SNTA1: variants seen among roughly 807,000 people sequenced by gnomAD.
SNTA1 encodes the protein alpha-1-syntrophin.
In SNTA1, 31 loss-of-function variants were observed where a neutral mutation model predicts 47.1. The observed-to-expected ratio is 0.66, with a 90% CI of 0.49 to 0.89. The LOEUF (loss-of-function observed/expected upper bound fraction) is 0.89. SNTA1 is among the 40% of genes least tolerant of loss of function. The pLI, the probability that SNTA1 is intolerant of heterozygous loss-of-function variation, is 0.00. For missense variants in SNTA1, 575 were observed against 693.0 expected, an observed-to-expected ratio of 0.83 and a Z score of 1.91; for synonymous variants, 300 against 313.6, an observed-to-expected ratio of 0.96 and a Z score of 0.46.
At position 33,408,541 on chromosome 20, in the gene SNTA1, G is replaced by A. The variant is rs144006909; in HGVS notation, c.1484C>T (p.Ser495Leu). ...CAGCCCGAGGCGGGTGACTTTGGCC[G>A]ACAGGAAGGAGTGGATGATGAAGAC... ...TIVFIIHSFL[S>L]AKVTRLGLLA Residue 495 changes from serine (S) to leucine (L), a missense_variant, in exon 8 of 8, where the codon TCG becomes TTG. Transcript: ENST00000217381. The A allele has an allele frequency of 1.5e-5, 24 of 1,613,998 alleles. No homozygotes were observed. Among genetic ancestry groups the A allele is most frequent in the Non-Finnish European group, 1.7e-5 (20 of 1,179,960 alleles).
At chr20:33,437,777 G>A (rs1244291336) in intron 2 of SNTA1, among the ~76,000 whole-genome samples, 3 of 152,342 alleles carry the variant, frequency 2.0e-5, no homozygotes, top group East Asian at 1.9e-4. Flanking sequence ...AGAGTTTGAG[G>A]AAAGGGCTGA....
At chr20:33,430,990 G>A (rs1190870734) in intron 2 of SNTA1, among the ~76,000 whole-genome samples, 1 of 152,142 alleles carries the variant, frequency 6.6e-6, no homozygotes, top group Non-Finnish European at 1.5e-5. Flanking sequence ...AGGCACACTG[G>A]CTCACACCTG....
chr20:33,409,383 T>C (rs2146755764), intron 6 of SNTA1, among the ~76,000 whole-genome samples: 1 of 152,182 alleles, frequency 6.6e-6, no homozygotes, highest in Admixed American at 6.5e-5. Context: ...TTGACAAAAC[T>C]GGGGCAAGAA....
At position 33,443,345 on chromosome 20, in the gene SNTA1, C is replaced by G. The variant is rs1455411648; in HGVS notation, c.276G>C (p.Lys92Asn). 6.7e-7 allele frequency: 1 copy of G among 1,483,316 alleles called. No individual in the cohort carries two copies. The highest frequency in any genetic ancestry group is 8.9e-7 in the Non-Finnish European group (1 of 1,122,336). 91.9% of individuals were successfully genotyped at this position (1,483,316 alleles called of 1,614,324 possible). ...LLQRRRVTVR[K>N]ADAGGLGISI... ...TGATGCCCAGCCCACCGGCGTCGGC[C>G]TTGCGCACCGTCACGCGGCGCCGCT... The change falls in exon 1 of 8, where the codon AAG becomes AAC. Residue 92 changes from lysine (K) to asparagine (N), a missense_variant. By Grantham distance (94) the Lys-to-Asn change is moderately conservative (BLOSUM62 0). Transcript: ENST00000217381.
intron 2 of SNTA1, among the ~76,000 whole-genome samples, chr20:33,433,253 T>C (rs1018800933): frequency 6.7e-6 from 1 of 149,854 alleles, no homozygotes; most frequent in African/African-American, 2.5e-5. Flanking sequence ...TTGTTTTTTG[T>C]CGGGTTTTTC....
chr20:33,418,447 G>A (rs1014765144), intron 2 of SNTA1, among the ~76,000 whole-genome samples: 8 of 151,878 alleles, frequency 5.3e-5, no homozygotes, highest in Non-Finnish European at 1.0e-4. Flanking sequence ...ATGGGGTCAC[G>A]CCATGTTGCT....
At chr20:33,422,490 C>T (rs1990060848) in intron 2 of SNTA1, among the ~76,000 whole-genome samples, 1 of 149,990 alleles carries the variant, frequency 6.7e-6, no homozygotes, top group East Asian at 2.0e-4. Flanking sequence ...CTCTTCAAAC[C>T]CAGAGTTGGC....
At chr20:33,418,073 T>G in intron 2 of SNTA1, 150 bp from the exon 3 acceptor site, 1 of 621,062 alleles carries the variant, frequency 1.6e-6, no homozygotes, top group Non-Finnish European at 2.8e-6. Flanking sequence ...CAAATTCTTC[T>G]AAGTTAAAGT....
intron 2 of SNTA1, 130 bp from the exon 3 acceptor site, chr20:33,418,053 G>C (rs1989923507): frequency 3.1e-6 from 2 of 647,544 alleles, no homozygotes; most frequent in Admixed American, 5.4e-5. Flanking sequence ...GAGTCCAGTA[G>C]TGATATTAAC....
At chr20:33,410,106 A>AG (rs746229329) in intron 6 of SNTA1, 29 bp downstream of exon 6, 1 of 1,610,868 alleles carries the variant, frequency 6.2e-7, no homozygotes, top group East Asian at 2.2e-5. Flanking sequence ...TTATTACCAG[A>AG]GGGACACTCC....
intron 2 of SNTA1, among the ~76,000 whole-genome samples, chr20:33,423,297 G>A (rs765415084): frequency 2.0e-5 from 3 of 152,180 alleles, no homozygotes; most frequent in Non-Finnish European, 2.9e-5. Context: ...GGGCCCCGGA[G>A]TGTGGCCATA....
chr20:33,413,418 C>T (rs193082712), intron 3 of SNTA1, among the ~76,000 whole-genome samples: 4 of 152,228 alleles, frequency 2.6e-5, no homozygotes, highest in African/African-American at 9.6e-5. Flanking sequence ...CATGAGCCAC[C>T]GTGCCCAGCC....
At position 33,408,282 on chromosome 20, in the gene SNTA1, G is replaced by C; in HGVS notation, c.*225C>G. Reference sequence around the variant, plus strand: ...CTCTCTGCAAAAGGCACTGGTGGAGGGGGGCAGCAGGAAGGCCACCCCATC... The same window carrying C: ...CTCTCTGCAAAAGGCACTGGTGGAGCGGGGCAGCAGGAAGGCCACCCCATC... On this transcript the variant is annotated 3_prime_UTR_variant, in exon 8 of 8. Coordinates refer to ENST00000217381, the MANE Select transcript of SNTA1 (RefSeq NM_003098.3). 1.7e-6 allele frequency: 1 copy of C among 590,760 alleles called. No homozygotes were observed. Among genetic ancestry groups the C allele is most frequent in the Non-Finnish European group, 3.1e-6 (1 of 327,346 alleles). 36.6% of individuals were successfully genotyped at this position (590,760 alleles called of 1,614,324 possible).
rs566401281 is a variant in SNTA1 at position 33,408,095 on chromosome 20, C to G, written c.*412G>C. 78 of 242,478 alleles carry G rather than the reference C, an allele frequency of 3.2e-4. No individual in the cohort carries two copies. Among genetic ancestry groups the G allele is most frequent in the Middle Eastern group, 1.7e-3 (1 of 598 alleles). The allele number at this position is 242,478 out of a possible 1,614,324, so 15.0% of individuals were successfully genotyped here. ...AAAAACAAACAGAAAATCTCCTCTT[C>G]TTTCTCTTGCTGCTGACCCCAGGGT... On this transcript the variant is annotated 3_prime_UTR_variant, in exon 8 of 8. Coordinates refer to ENST00000217381, the MANE Select transcript of SNTA1 (RefSeq NM_003098.3).
chr20:33,412,267 G>T (rs1176449390), intron 5 of SNTA1, 29 bp downstream of exon 5: 13 of 1,602,216 alleles, frequency 8.1e-6, no homozygotes, highest in Non-Finnish European at 9.3e-6. Context: ...AAGTTCTGGG[G>T]GAGACATACT....
chr20:33,437,875 GAGGCCCA>G (rs912455219), intron 2 of SNTA1, among the ~76,000 whole-genome samples: 1 of 152,250 alleles, frequency 6.6e-6, no homozygotes, highest in African/African-American at 2.4e-5. Context: ...TGGGGAAACC[GAGGCCCA>G]CAGAGGGCAA....
At chr20:33,419,296 C>T (rs913314135) in intron 2 of SNTA1, among the ~76,000 whole-genome samples, 31 of 152,280 alleles carry the variant, frequency 2.0e-4, no homozygotes, top group African/African-American at 7.5e-4. Flanking sequence ...AGCCAACGTG[C>T]CCTGTGAGTG....
intron 3 of SNTA1, among the ~76,000 whole-genome samples, chr20:33,413,781 T>G (rs940040971): frequency 2.0e-5 from 3 of 149,290 alleles, no homozygotes; most frequent in Non-Finnish European, 3.0e-5. Flanking sequence ...AAAAAAAAAT[T>G]TTTTTTTTAA....
At chr20:33,436,139 G>A (rs1408450546) in intron 2 of SNTA1, among the ~76,000 whole-genome samples, 1 of 151,986 alleles carries the variant, frequency 6.6e-6, no homozygotes, top group African/African-American at 2.4e-5. Context: ...CTTGCAGTGA[G>A]CCGAGATCCC....
Sources: gnomAD v4.1 joint callset for allele counts (sites outside exome capture counted in the v4.1 genomes callset) on GRCh38, gnomAD v4.1.1 for gene constraint, MANE v1.5 for transcripts, NCBI Gene and HGNC (gene_info 2026-07-23, HGNC 2026-07-21) for gene names.